Variants in MEGF8 observed in about 807,000 individuals in gnomAD.
The protein encoded by MEGF8 is multiple epidermal growth factor-like domains protein 8.
In MEGF8, 156 loss-of-function variants were observed where a neutral mutation model predicts 302.9. The ratio of observed to expected loss-of-function variants is 0.52; its 90% CI spans 0.45 to 0.59. MEGF8 has a LOEUF of 0.59. Among genes scored for constraint, MEGF8 ranks in the 20% least tolerant of loss-of-function variants. The pLI is 0.00. For missense variants in MEGF8, 3,345 were observed against 3,964.5 expected, an observed-to-expected ratio of 0.84 and a Z score of 4.20; for synonymous variants, 1,621 against 1,660.5, an observed-to-expected ratio of 0.98 and a Z score of 0.58.
intron 1 of MEGF8, among the ~76,000 whole-genome samples, chr19:42,328,159 G>A (rs2039009547): frequency 6.6e-6 from 1 of 152,182 alleles, no homozygotes; most frequent in Non-Finnish European, 1.5e-5. Context: ...GAGCCAGCAG[G>A]TGTAGGGCTC....
In MEGF8 at chr19:42,356,989, T is replaced by G; in HGVS notation, c.4830+8T>G. On this transcript the variant is annotated splice_region_variant and intron_variant, in intron 27 of 41. Coordinates refer to ENST00000251268, the MANE Select transcript of MEGF8 (RefSeq NM_001271938.2). The surrounding 1 kb of genome is among the most constrained non-coding windows in gnomAD (Gnocchi z 5.2). ...CAATGGCGGCAGGAGAAGGTGAGCA[T>G]CTCTCCCCAGCCCACTCCCCAGCCC... 6.3e-7 allele frequency: 1 copy of G among 1,579,922 alleles called. No individual in the cohort carries two copies. The highest frequency in any genetic ancestry group is 8.6e-7 in the Non-Finnish European group (1 of 1,164,078).
intron 2 of MEGF8, 75 bp downstream of exon 2, chr19:42,333,843 A>G (rs1264251398): frequency 1.3e-6 from 2 of 1,575,548 alleles, no homozygotes; most frequent in Non-Finnish European, 1.7e-6. Flanking sequence ...AGTCAGTAAG[A>G]GGGCATCCAA....
Position 42,362,604 on chromosome 19 carries a change from A to G in MEGF8, c.6058+7A>G, listed in dbSNP as rs2039547844. The G allele has an allele frequency of 6.3e-7, 1 of 1,599,244 alleles. No individual in the cohort carries two copies. Among genetic ancestry groups the G allele is most frequent in the African/African-American group, 1.4e-5 (1 of 73,332 alleles). ...CGGCAGTTCAAGAGGACAGGTGAGCAGTGGGCCTAGTTCCTGAGAGGGGAG... is the reference window on the plus strand; with the variant it reads ...CGGCAGTTCAAGAGGACAGGTGAGCGGTGGGCCTAGTTCCTGAGAGGGGAG... On this transcript the variant is annotated splice_region_variant and intron_variant, in intron 34 of 41. Coordinates refer to ENST00000251268, the MANE Select transcript of MEGF8 (RefSeq NM_001271938.2).
At position 42,352,287 on chromosome 19, in the gene MEGF8, G is replaced by C. The variant is rs1249923163; in HGVS notation, c.3181G>C (p.Val1061Leu). 3 of 1,569,280 alleles carry C rather than the reference G, an allele frequency of 1.9e-6. No individual in the cohort carries two copies. The highest frequency in any genetic ancestry group is 2.6e-6 in the Non-Finnish European group (3 of 1,157,336). Reference sequence around the variant, plus strand: ...GGTGGGGGAGGGCCTGGGGCTTCCCGTGGCCCTCCCTGCCCGCTGGGCATA... The same window carrying C: ...GGTGGGGGAGGGCCTGGGGCTTCCCCTGGCCCTCCCTGCCCGCTGGGCATA... ...LWVGEGLGLP[V>L]ALPARWAYAR... Residue 1061 changes from valine (V) to leucine (L), a missense_variant, in exon 19 of 42, where the codon GTG becomes CTG. Physicochemically the swap from Val to Leu is conservative, Grantham distance 32. Transcript: ENST00000251268. This position sits in a 1 kb window ranked among gnomAD's most constrained non-coding sequence, Gnocchi z 4.4.
chr19:42,361,458 G>A (rs1407937903), intron 32 of MEGF8, among the ~76,000 whole-genome samples: 1 of 152,214 alleles, frequency 6.6e-6, no homozygotes, highest in African/African-American at 2.4e-5. Flanking sequence ...CACCCTCACT[G>A]ATATGAGGCT....
intron 8 of MEGF8, among the ~76,000 whole-genome samples, chr19:42,338,025 C>G (rs141705416): frequency 8.5e-5 from 13 of 152,168 alleles, no homozygotes; most frequent in African/African-American, 3.1e-4. Context: ...AGGCCAGTCT[C>G]AAACTCCTGA....
In MEGF8 at chr19:42,344,693, C is replaced by A; in HGVS notation, c.1957C>A (p.Gln653Lys). 6.3e-7 allele frequency: 1 copy of A among 1,596,498 alleles called. No individual in the cohort carries two copies. Among genetic ancestry groups the A allele is most frequent in the Non-Finnish European group, 8.5e-7 (1 of 1,170,062 alleles). ...AGAGCAGGCCCGCTGCCGAGGGGAGCAGATCTCAGGCACTGTGGGCTGGTG... is the reference window on the plus strand; with the variant it reads ...AGAGCAGGCCCGCTGCCGAGGGGAGAAGATCTCAGGCACTGTGGGCTGGTG... ...RPEQARCRGEQISGTVGWWGP... is the reference protein window; with the variant it reads ...RPEQARCRGEKISGTVGWWGP... The change falls in exon 12 of 42, where the codon CAG (glutamine) becomes AAG (lysine). Residue 653 changes from glutamine to lysine, a missense_variant. Transcript: ENST00000251268. This position sits in a 1 kb window ranked among gnomAD's most constrained non-coding sequence, Gnocchi z 4.5.
chr19:42,354,547 A>T lies in MEGF8; in HGVS notation c.4012-41A>T. Reference sequence around the variant, plus strand: ...CTCCCAGACCCCAGGTGTCGTTCTCATCCTCATTGTCTCCTAATCCTCGAT... The same window carrying T: ...CTCCCAGACCCCAGGTGTCGTTCTCTTCCTCATTGTCTCCTAATCCTCGAT... On this transcript the variant is annotated intron_variant, in intron 22 of 41. Coordinates refer to ENST00000251268, the MANE Select transcript of MEGF8 (RefSeq NM_001271938.2). This position sits in a 1 kb window ranked among gnomAD's most constrained non-coding sequence, Gnocchi z 4.3. The T allele has an allele frequency of 6.3e-7, 1 of 1,584,600 alleles. No homozygotes were observed. The highest frequency in any genetic ancestry group is 8.6e-7 in the Non-Finnish European group (1 of 1,161,254).
intron 12 of MEGF8, among the ~76,000 whole-genome samples, chr19:42,345,357 A>G (rs1372192288): frequency 6.6e-6 from 1 of 152,236 alleles, no homozygotes; most frequent in Non-Finnish European, 1.5e-5. Flanking sequence ...CATTTACAAT[A>G]TTGTGCAATC....
At position 42,357,856 on chromosome 19, in the gene MEGF8, A is replaced by G. The variant is rs1002137661; in HGVS notation, c.5011+272A>G. Among the ~76,000 whole-genome samples, 1 of 151,972 alleles carries G rather than the reference A, an allele frequency of 6.6e-6. No individual in the cohort carries two copies. The highest frequency in any genetic ancestry group is 6.5e-5 in the Admixed American group (1 of 15,272). ...CCTGCTTCTCAAGGGTTCTTCCTCG[A>G]TCACACCTCCTTTCTTTGATCACTG... On this transcript the variant is annotated intron_variant, in intron 28 of 41. Coordinates refer to ENST00000251268, the MANE Select transcript of MEGF8 (RefSeq NM_001271938.2). The surrounding 1 kb of genome is among the most constrained non-coding windows in gnomAD (Gnocchi z 5.2).
Position 42,362,638 on chromosome 19 carries a change from C to G in MEGF8, c.6058+41C>G, listed in dbSNP as rs772334052. 8 of 1,596,874 alleles carry G rather than the reference C, an allele frequency of 5.0e-6. No homozygotes were observed. In the South Asian group the frequency reaches 7.7e-5, roughly 15 times the overall value. ...AGTTCCTGAGAGGGGAGTCTTGGGGCCTGGACTCCTGGGTCTGAGGGAGGA... is the reference window on the plus strand; with the variant it reads ...AGTTCCTGAGAGGGGAGTCTTGGGGGCTGGACTCCTGGGTCTGAGGGAGGA... On this transcript the variant is annotated intron_variant, in intron 34 of 41. Coordinates refer to ENST00000251268, the MANE Select transcript of MEGF8 (RefSeq NM_001271938.2).
chr19:42,343,899 G>A (rs934781474), intron 9 of MEGF8, 55 bp from the exon 10 acceptor site: 4 of 1,583,914 alleles, frequency 2.5e-6, no homozygotes, highest in Middle Eastern at 1.7e-4. Flanking sequence ...CCAGGTCTGA[G>A]AGGCCTCCTC....
At position 42,358,367 on chromosome 19, in the gene MEGF8, C is replaced by G. The variant is rs890780081; in HGVS notation, c.5175+60C>G. ...GGGCAGGAGGGAGGGGTCCTCTTTC[C>G]CAGTGCCCCAGGGACTGGCTCCATC... On this transcript the variant is annotated intron_variant, in intron 29 of 41. Transcript: ENST00000251268. This position sits in a 1 kb window ranked among gnomAD's most constrained non-coding sequence, Gnocchi z 4.4. The G allele has an allele frequency of 1.8e-5, 27 of 1,516,804 alleles. No homozygotes were observed. In the Admixed American group the frequency reaches 6.4e-4, roughly 36 times the overall value. The allele number at this position is 1,516,804 out of a possible 1,614,324, so 94.0% of individuals were successfully genotyped here.
Position 42,371,421 on chromosome 19 carries a change from C to T in MEGF8, c.7208C>T (p.Thr2403Ile), listed in dbSNP as rs1242846195. The T allele has an allele frequency of 1.2e-6, 2 of 1,613,842 alleles. No individual in the cohort carries two copies. The highest frequency in any genetic ancestry group is 2.7e-5 in the African/African-American group (2 of 74,942). ...DGTGCPCQNN[T>I]ETGTCQGSSP... is the part of the protein sequence containing the mutation. ...ACGGGCTGTCCATGTCAGAATAACA[C>T]AGAGACGGGCACATGCCAGGGCAGC... Residue 2403 changes from threonine (T) to isoleucine (I), a missense_variant, in exon 41 of 42, where the codon ACA becomes ATA. Physicochemically the swap from Thr to Ile is moderately conservative, Grantham distance 89. Coordinates refer to ENST00000251268, the MANE Select transcript of MEGF8 (RefSeq NM_001271938.2).
Position 42,368,242 on chromosome 19 carries a change from C to T in MEGF8, c.6274-213C>T, listed in dbSNP as rs2039634909. Among the ~76,000 whole-genome samples the T allele has an allele frequency of 6.6e-6, 1 of 152,152 alleles. No homozygotes were observed. Among genetic ancestry groups the T allele is most frequent in the African/African-American group, 2.4e-5 (1 of 41,450 alleles). The stretch of plus-strand genomic sequence containing the variant: ...CAACCTTCCAGTTTCAAGATCCTCC[C>T]CAGCCTGACTTCCCGCCTTGGTGTG... On this transcript the variant is annotated intron_variant, in intron 35 of 41. Coordinates refer to ENST00000251268, the MANE Select transcript of MEGF8 (RefSeq NM_001271938.2). The surrounding 1 kb of genome is among the most constrained non-coding windows in gnomAD (Gnocchi z 4.9).
In MEGF8 at chr19:42,357,687, C is replaced by G. The variant is rs1356304115; in HGVS notation, c.5011+103C>G. The G allele has an allele frequency of 3.9e-6, 4 of 1,018,940 alleles. No homozygotes were observed. Among genetic ancestry groups the G allele is most frequent in the Non-Finnish European group, 5.6e-6 (4 of 709,860 alleles). 63.1% of individuals were successfully genotyped at this position (1,018,940 alleles called of 1,614,324 possible). On this transcript the variant is annotated intron_variant, in intron 28 of 41. Coordinates refer to ENST00000251268, the MANE Select transcript of MEGF8 (RefSeq NM_001271938.2). The surrounding 1 kb of genome is among the most constrained non-coding windows in gnomAD (Gnocchi z 5.2). Reference sequence around the variant, plus strand: ...TGCTGTGCTCTGTGGCCACCTGTCTCCCTCTCTTTCCCATCCCCATGCAGA... The same window carrying G: ...TGCTGTGCTCTGTGGCCACCTGTCTGCCTCTCTTTCCCATCCCCATGCAGA...
chr19:42,354,445 GT>G lies in MEGF8; in HGVS notation c.4012-140del. On this transcript the variant is annotated intron_variant, in intron 22 of 41. Transcript: ENST00000251268. This position sits in a 1 kb window ranked among gnomAD's most constrained non-coding sequence, Gnocchi z 4.3. ...AGGGGAGTGGTGGCCTTATGCCATA[GT>G]TTGACAGTCTCCCCTGGATGTTCAA... 2 of 980,486 alleles carry G rather than the reference GT, an allele frequency of 2.0e-6. No individual in the cohort carries two copies. The highest frequency in any genetic ancestry group is 3.0e-6 in the Non-Finnish European group (2 of 657,478). 60.7% of individuals were successfully genotyped at this position (980,486 alleles called of 1,614,324 possible).
intron 41 of MEGF8, among the ~76,000 whole-genome samples, chr19:42,372,963 A>G (rs1426797201): frequency 6.6e-6 from 1 of 152,070 alleles, no homozygotes; most frequent in African/African-American, 2.4e-5. Flanking sequence ...GTGAGCCACC[A>G]CACCCAGCCC....
Position 42,368,937 on chromosome 19 carries a change from G to T in MEGF8, c.6576G>T (p.Thr2192=). 1 of 1,613,866 alleles carries T rather than the reference G, an allele frequency of 6.2e-7. No individual in the cohort carries two copies. Among genetic ancestry groups the T allele is most frequent in the Non-Finnish European group, 8.5e-7 (1 of 1,179,900 alleles). ...CANGHHDCNE[T]QNCHDQPHGY... is the part of the protein sequence containing the mutation. ...ACGGGCACCACGACTGCAACGAGAC[G>T]CAGAATTGCCACGACCAGCCCCACG... Residue 2192 remains threonine, a synonymous_variant, in exon 37 of 42, where the codon ACG becomes ACT. Coordinates refer to ENST00000251268, the MANE Select transcript of MEGF8 (RefSeq NM_001271938.2). The surrounding 1 kb of genome is among the most constrained non-coding windows in gnomAD (Gnocchi z 4.9).
Sources: allele counts gnomAD v4.1 joint callset (sites outside exome capture counted in the v4.1 genomes callset), GRCh38; gene constraint gnomAD v4.1.1; non-coding constraint Gnocchi (gnomAD v3.1); transcripts MANE v1.5; gene names NCBI Gene and HGNC (gene_info 2026-07-23, HGNC 2026-07-21).